Variants in CCDC88A observed in about 807,000 individuals in gnomAD.
The protein encoded by CCDC88A is coiled-coil and HOOK domain protein 88A, also known as girdin.
Under a neutral mutation model 234.3 loss-of-function variants are expected in CCDC88A, and 54 were observed. The ratio of observed to expected loss-of-function variants is 0.23; its 90% CI spans 0.19 to 0.29. CCDC88A has a LOEUF of 0.29. CCDC88A is among the 10% of genes least tolerant of loss of function. CCDC88A has a pLI of 1.00. For missense variants in CCDC88A, 1,832 were observed against 2,123.4 expected (o/e 0.86, Z 2.70); for synonymous variants, 753 against 737.8 (o/e 1.02, Z -0.33).
At chr2:55,325,733 A>C (rs1257863874) in intron 17 of CCDC88A, among the ~76,000 whole-genome samples, 1 of 151,976 alleles carries the variant, frequency 6.6e-6, no homozygotes, top group Non-Finnish European at 1.5e-5. Flanking sequence ...GTAATTGTGG[A>C]TTTTTCTCCA....
intron 3 of CCDC88A, among the ~76,000 whole-genome samples, chr2:55,386,831 A>G (rs1675723199): frequency 6.6e-6 from 1 of 152,094 alleles, no homozygotes; most frequent in Non-Finnish European, 1.5e-5. Flanking sequence ...ACAAGAGTGA[A>G]ATAAAGGCAT....
At position 55,346,223 on chromosome 2, in the gene CCDC88A, T is replaced by C; in HGVS notation, c.993A>G (p.Arg331=). The change falls in exon 10 of 33, where the codon AGA becomes AGG. Residue 331 remains arginine (R), a synonymous_variant. Transcript: ENST00000436346. ...CAATATCATGTAGTCTCTCTTTATA[T>C]CTGCTGACTTCACTTTCAAGCTTAT... ...RVDKLESEVS[R]YKERLHDIEF... 1 of 1,611,746 alleles carries C rather than the reference T, an allele frequency of 6.2e-7. No homozygotes were observed. Among genetic ancestry groups the C allele is most frequent in the Non-Finnish European group, 8.5e-7 (1 of 1,178,280 alleles).
intron 7 of CCDC88A, among the ~76,000 whole-genome samples, chr2:55,359,703 A>C (rs1671042857): frequency 6.6e-6 from 1 of 151,550 alleles, no homozygotes; most frequent in South Asian, 2.1e-4. Flanking sequence ...TAGTTATTTT[A>C]TTAAAATAAC....
At chr2:55,374,956 T>G in intron 3 of CCDC88A, 73 bp from the exon 4 acceptor site, 2 of 903,592 alleles carry the variant, frequency 2.2e-6, no homozygotes, top group South Asian at 1.6e-5. Context: ...CTATAACTTA[T>G]GATTTGTACA....
In CCDC88A at chr2:55,396,319, T is replaced by C. The variant is rs537923563; in HGVS notation, c.165-7433A>G. Among the ~76,000 whole-genome samples, 92 of 152,358 alleles carry C rather than the reference T, an allele frequency of 6.0e-4. 1 individual carries two copies. The highest frequency in any genetic ancestry group is 2.1e-3 in the African/African-American group (89 of 41,586). ...ATTTTCAGTAAATACCTTTCCTCTC[T>C]ACCCTTCTTCTACCTTTTATTTCTA... On this transcript the variant is annotated intron_variant, in intron 2 of 32. Coordinates refer to ENST00000436346, the MANE Select transcript of CCDC88A (RefSeq NM_001365480.1).
intron 18 of CCDC88A, among the ~76,000 whole-genome samples, chr2:55,319,222 A>T (rs1344276223): frequency 2.0e-5 from 3 of 152,184 alleles, no homozygotes; most frequent in African/African-American, 7.2e-5. Context: ...TAAAACTTTA[A>T]TATTGTGCCT....
At chr2:55,363,789 A>T (rs974243899) in intron 6 of CCDC88A, 161 bp downstream of exon 6, 2 of 499,720 alleles carry the variant, frequency 4.0e-6, no homozygotes, top group Non-Finnish European at 7.0e-6. Flanking sequence ...AGTGTAAGAA[A>T]CTATCTCTAA....
chr2:55,319,860 T>C (rs951687072), intron 18 of CCDC88A, among the ~76,000 whole-genome samples: 1 of 152,136 alleles, frequency 6.6e-6, no homozygotes, highest in African/African-American at 2.4e-5. Flanking sequence ...AATAAAACTT[T>C]AATGTACAAA....
intron 2 of CCDC88A, among the ~76,000 whole-genome samples, chr2:55,413,270 T>C (rs528752285): frequency 6.6e-6 from 1 of 152,166 alleles, no homozygotes; most frequent in South Asian, 2.1e-4. Context: ...TGAGGAGCCA[T>C]AAGTAGGTAG....
intron 2 of CCDC88A, among the ~76,000 whole-genome samples, chr2:55,406,476 C>T (rs993968228): frequency 3.3e-5 from 5 of 152,102 alleles, no homozygotes; most frequent in Admixed American, 2.0e-4. Context: ...GACTAGTGTC[C>T]GGGCATGGTG....
At chr2:55,300,313 C>T (rs1680736746) in intron 28 of CCDC88A, 3 of 193,258 alleles carry the variant, frequency 1.6e-5, no homozygotes, top group East Asian at 1.3e-4. Context: ...GGAATACAAG[C>T]ATCTATACAG....
chr2:55,379,193 C>A (rs1160131591), intron 3 of CCDC88A, among the ~76,000 whole-genome samples: 1 of 152,008 alleles, frequency 6.6e-6, no homozygotes, highest in Non-Finnish European at 1.5e-5. Context: ...ATCATAGACT[C>A]CCCAGACTCA....
chr2:55,394,200 G>C (rs777183717), intron 2 of CCDC88A: 5 of 152,162 alleles, frequency 3.3e-5, no homozygotes, highest in Admixed American at 6.5e-5. Context: ...GTCCTTGCGA[G>C]AGTTTGCTGA....
chr2:55,297,305 A>AT (rs1385666629), intron 29 of CCDC88A: 1 of 72,382 alleles, frequency 1.4e-5, no homozygotes, highest in Non-Finnish European at 2.7e-5. Flanking sequence ...TTTATATATA[A>AT]TTATATATAA....
At chr2:55,368,091 G>A (rs1037487059) in intron 5 of CCDC88A, among the ~76,000 whole-genome samples, 5 of 152,174 alleles carry the variant, frequency 3.3e-5, no homozygotes, top group Admixed American at 1.3e-4. Context: ...CTACTTCAGG[G>A]CTAGGATGAA....
chr2:55,382,771 A>G (rs1674806044), intron 3 of CCDC88A, among the ~76,000 whole-genome samples: 1 of 152,210 alleles, frequency 6.6e-6, no homozygotes, highest in South Asian at 2.1e-4. Flanking sequence ...AATGAAGTAT[A>G]TCTTTGATAA....
chr2:55,293,150 G>T (rs1255703153), intron 31 of CCDC88A, among the ~76,000 whole-genome samples: 1 of 151,938 alleles, frequency 6.6e-6, no homozygotes, highest in African/African-American at 2.4e-5. Context: ...AATTTTGAAT[G>T]AATAAATACA....
chr2:55,414,596 A>G (rs367861549), intron 2 of CCDC88A, among the ~76,000 whole-genome samples: 17 of 152,360 alleles, frequency 1.1e-4, no homozygotes, highest in Admixed American at 4.6e-4. Context: ...CTCTGAATAC[A>G]GTAAATCTCA....
chr2:55,294,364 C>T, intron 31 of CCDC88A: 1 of 980,450 alleles, frequency 1.0e-6, no homozygotes. Context: ...CTGTGTAAAT[C>T]ACATTTAAAT....
Sources: gnomAD v4.1 joint callset for allele counts (sites outside exome capture counted in the v4.1 genomes callset) on GRCh38, gnomAD v4.1.1 for gene constraint, MANE v1.5 for transcripts, NCBI Gene and HGNC (gene_info 2026-07-23, HGNC 2026-07-21) for gene names.